Variants in BAZ1A observed in about 807,000 individuals in gnomAD.
BAZ1A encodes the protein bromodomain adjacent to zinc finger domain protein 1A.
Under a neutral mutation model 185.2 loss-of-function variants are expected in BAZ1A, and 50 were observed. That is an observed-to-expected ratio of 0.27 (90% CI 0.22 to 0.34). The LOEUF (loss-of-function observed/expected upper bound fraction) is 0.34. BAZ1A is among the 10% of genes least tolerant of loss of function. BAZ1A has a pLI of 1.00. For synonymous variants in BAZ1A, 571 were observed against 615.6 expected (o/e 0.93, Z 1.07); for missense variants, 1,356 against 1,839.9 (o/e 0.74, Z 4.81).
intron 4 of BAZ1A, among the ~76,000 whole-genome samples, chr14:34,825,354 G>A (rs1160617094): frequency 6.7e-6 from 1 of 148,284 alleles, no homozygotes; most frequent in African/African-American, 2.5e-5. Context: ...TTGGGAGGCT[G>A]AGGCAGGAGA....
intron 5 of BAZ1A, among the ~76,000 whole-genome samples, chr14:34,809,758 T>G (rs2041903494): frequency 6.6e-6 from 1 of 151,780 alleles, no homozygotes. Flanking sequence ...AAAAAGTAAA[T>G]AGAAAAATGA....
chr14:34,800,404 T>C lies in BAZ1A; in HGVS notation c.962-14A>G, dbSNP rs1881449372. On this transcript the variant is annotated splice_polypyrimidine_tract_variant and intron_variant, in intron 8 of 26. Transcript: ENST00000360310. ...CCTTTTCAAAAGCTGTGAAGAAAAATCAAACTTAGAACTATATATATAGAC... is the reference window on the plus strand; with the variant it reads ...CCTTTTCAAAAGCTGTGAAGAAAAACCAAACTTAGAACTATATATATAGAC... The C allele has an allele frequency of 6.5e-7, 1 of 1,530,520 alleles. No homozygotes were observed. The highest frequency in any genetic ancestry group is 1.4e-5 in the African/African-American group (1 of 70,322). 94.8% of individuals were successfully genotyped at this position (1,530,520 alleles called of 1,614,324 possible).
intron 9 of BAZ1A, among the ~76,000 whole-genome samples, chr14:34,798,962 T>C (rs922388581): frequency 1.3e-5 from 2 of 152,054 alleles, no homozygotes; most frequent in African/African-American, 4.8e-5. Flanking sequence ...CTATTCACAA[T>C]AGCAAAGACT....
chr14:34,796,856 A>G (rs1881227108), intron 9 of BAZ1A, among the ~76,000 whole-genome samples: 2 of 152,208 alleles, frequency 1.3e-5, no homozygotes, highest in South Asian at 4.1e-4. Flanking sequence ...TCCACCCCCA[A>G]CCTCAGAAAT....
chr14:34,767,986 A>G (rs1017096335), intron 21 of BAZ1A, among the ~76,000 whole-genome samples: 1 of 152,072 alleles, frequency 6.6e-6, no homozygotes, highest in Non-Finnish European at 1.5e-5. Flanking sequence ...GAATGTGCCT[A>G]TTTTTCTATT....
At chr14:34,848,617 T>G (rs751811114) in intron 3 of BAZ1A, among the ~76,000 whole-genome samples, 1 of 152,142 alleles carries the variant, frequency 6.6e-6, no homozygotes, top group Non-Finnish European at 1.5e-5. Context: ...AATTATATAA[T>G]TTTCATTTTA....
chr14:34,817,580 G>A lies in BAZ1A; in HGVS notation c.537-6544C>T, dbSNP rs999021359. The stretch of plus-strand genomic sequence containing the variant: ...AACAGCCTGGCAACAGAGCCAGTCT[G>A]TCTCAAAACAAAACAAAACAAAACA... On this transcript the variant is annotated intron_variant, in intron 4 of 26. Transcript: ENST00000360310. Among the ~76,000 whole-genome samples, 4 of 152,226 alleles carry A rather than the reference G, an allele frequency of 2.6e-5. No homozygotes were observed. The South Asian group carries it at 8.3e-4, about 32-fold the overall frequency.
chr14:34,868,437 T>A (rs1485884670), intron 2 of BAZ1A, among the ~76,000 whole-genome samples: 1 of 152,212 alleles, frequency 6.6e-6, no homozygotes, highest in Non-Finnish European at 1.5e-5. Flanking sequence ...TGCAACATAC[T>A]ATTAATTTGT....
chr14:34,873,641 G>A (rs1398927568), intron 2 of BAZ1A, among the ~76,000 whole-genome samples: 5 of 152,128 alleles, frequency 3.3e-5, no homozygotes, highest in Admixed American at 2.0e-4. Flanking sequence ...AACCTCCACC[G>A]CGCTTCCCGG....
rs2043014653 is a variant in BAZ1A, at chr14:34,874,719, G to T, written c.-58-57C>A. 1.2e-6 allele frequency: 1 copy of T among 813,876 alleles called. No individual in the cohort carries two copies. The highest frequency in any genetic ancestry group is 3.4e-5 in the Admixed American group (1 of 29,706). 50.4% of individuals were successfully genotyped at this position (813,876 alleles called of 1,614,324 possible). On this transcript the variant is annotated intron_variant, in intron 1 of 26. Coordinates refer to ENST00000360310, the MANE Select transcript of BAZ1A (RefSeq NM_013448.3). The surrounding 1 kb of genome is among the most constrained non-coding windows in gnomAD (Gnocchi z 4.7). ...AAGGTGGGGAGCCCTCGGCGGCAGC[G>T]TGGGCCGGTCCGCGCGCTGGGAGAA...
chr14:34,807,656 A>C, intron 5 of BAZ1A, 118 bp from the exon 6 acceptor site: 1 of 611,502 alleles, frequency 1.6e-6, no homozygotes, highest in Non-Finnish European at 2.8e-6. Context: ...ATCAAAGGAC[A>C]CACTTCATCT....
At chr14:34,754,680 G>T in intron 26 of BAZ1A, 147 bp downstream of exon 26, 2 of 528,988 alleles carry the variant, frequency 3.8e-6, no homozygotes, top group South Asian at 5.0e-5. Context: ...GAACCTCATG[G>T]AATGCCATCT....
intron 24 of BAZ1A, among the ~76,000 whole-genome samples, chr14:34,759,171 G>GTTTTTTTTTTT (rs780287749): frequency 1.5e-5 from 1 of 66,468 alleles, no homozygotes; most frequent in African/African-American, 6.4e-5. Flanking sequence ...TACAGCTACA[G>GTTTTTTTTTTT]TTTTTTTTTT....
intron 20 of BAZ1A, 42 bp downstream of exon 20, chr14:34,773,530 G>C: frequency 6.8e-7 from 1 of 1,462,136 alleles, no homozygotes; most frequent in Non-Finnish European, 9.1e-7. Flanking sequence ...CCTTAAAATG[G>C]CAAGGAAAAG....
Position 34,857,495 on chromosome 14 carries a change from T to C in BAZ1A, c.392+4549A>G, listed in dbSNP as rs1339657040. On this transcript the variant is annotated intron_variant, in intron 3 of 26. Transcript: ENST00000360310. ...CTTACCATCTACTAAAGGCAAAAAA[T>C]TGAGATCATCCATGATTTCATCATC... is the stretch of plus-strand genomic sequence containing the variant. Among the ~76,000 whole-genome samples the C allele has an allele frequency of 5.3e-5, 8 of 152,206 alleles. No homozygotes were observed. In the South Asian group the frequency reaches 8.3e-4, roughly 16 times the overall value.
At position 34,803,378 on chromosome 14, in the gene BAZ1A, A is replaced by AG. The variant is rs1223471235; in HGVS notation, c.727-391dup. Among the ~76,000 whole-genome samples the AG allele has an allele frequency of 8.4e-4, 78 of 93,284 alleles. No individual in the cohort carries two copies. The South Asian group carries it at 0.032, about 38-fold the overall frequency. 61.2% of individuals were successfully genotyped at this position (93,284 alleles called of 152,430 possible). A position where few individuals can be genotyped will look rare whatever the true frequency, so the allele number is the denominator to read the frequency against. On this transcript the variant is annotated intron_variant, in intron 6 of 26. Coordinates refer to ENST00000360310, the MANE Select transcript of BAZ1A (RefSeq NM_013448.3). ...TGGTGACAGAGTAAGACTCCATCTC[A>AG]GGAAAAAAAAAAAAAAAAAAGATAA...
At chr14:34,781,288 T>C (rs954613578) in intron 16 of BAZ1A, among the ~76,000 whole-genome samples, 1 of 152,182 alleles carries the variant, frequency 6.6e-6, no homozygotes, top group African/African-American at 2.4e-5. Context: ...CAATCACCAT[T>C]TTAAAGTGTA....
intron 6 of BAZ1A, among the ~76,000 whole-genome samples, chr14:34,803,644 A>ATAT (rs1881699877): frequency 6.6e-6 from 1 of 151,606 alleles, no homozygotes; most frequent in South Asian, 2.1e-4. Context: ...ACATAAATGA[A>ATAT]TCAATCTATG....
At chr14:34,761,346 T>C (rs1464903262) in intron 24 of BAZ1A, among the ~76,000 whole-genome samples, 1 of 152,130 alleles carries the variant, frequency 6.6e-6, no homozygotes, top group African/African-American at 2.4e-5. Context: ...CAACTCTCCC[T>C]TTCCCCCAAA....
Sources: allele counts gnomAD v4.1 joint callset (sites outside exome capture counted in the v4.1 genomes callset), GRCh38; gene constraint gnomAD v4.1.1; non-coding constraint Gnocchi (gnomAD v3.1); transcripts MANE v1.5; gene names NCBI Gene and HGNC (gene_info 2026-07-23, HGNC 2026-07-21).